Variants in SPAG16 observed in about 807,000 individuals in gnomAD.
SPAG16 encodes sperm-associated antigen 16 protein.
A neutral mutation model predicts 80.4 loss-of-function variants in SPAG16; 86 were observed. The observed-to-expected ratio is 1.07, with a 90% CI of 0.90 to 1.28. The LOEUF (loss-of-function observed/expected upper bound fraction) is 1.28, where lower values mean the gene tolerates loss of function less well. Among genes scored for constraint, SPAG16 ranks in the 50% most tolerant of loss-of-function variants. The pLI is 0.00. For synonymous variants in SPAG16, 294 were observed against 265.9 expected, an observed-to-expected ratio of 1.11 and a Z score of -1.03; for missense variants, 870 against 765.3, an observed-to-expected ratio of 1.14 and a Z score of -1.61.
chr2:214,189,555 T>G (rs969004940), intron 15 of SPAG16, among the ~76,000 whole-genome samples: 16 of 152,088 alleles, frequency 1.1e-4, no homozygotes, highest in African/African-American at 3.9e-4. Flanking sequence ...AATAAGGGCT[T>G]GAATTGGGAG....
chr2:214,052,627 TATA>T (rs2049712096), intron 13 of SPAG16, among the ~76,000 whole-genome samples: 2 of 152,158 alleles, frequency 1.3e-5, no homozygotes, highest in Admixed American at 1.3e-4. Context: ...AGAATAATAA[TATA>T]AACTCAATCA....
chr2:213,975,425 C>T (rs2045316975), intron 12 of SPAG16, among the ~76,000 whole-genome samples: 1 of 151,506 alleles, frequency 6.6e-6, no homozygotes, highest in South Asian at 2.1e-4. Context: ...AATTTATTAA[C>T]ATGTTCCTAA....
At chr2:213,537,555 G>C (rs986950335) in intron 10 of SPAG16, among the ~76,000 whole-genome samples, 1 of 152,086 alleles carries the variant, frequency 6.6e-6, no homozygotes, top group African/African-American at 2.4e-5. Flanking sequence ...CACTTGGAGA[G>C]TAATAGGGAG....
At chr2:213,426,809 A>G (rs973536483) in intron 9 of SPAG16, among the ~76,000 whole-genome samples, 2 of 138,816 alleles carry the variant, frequency 1.4e-5, no homozygotes, top group Non-Finnish European at 3.1e-5. Context: ...AAAAGGATGA[A>G]CTTTTTCAAA....
chr2:214,374,264 G>T (rs1176939329), intron 15 of SPAG16, among the ~76,000 whole-genome samples: 1 of 152,180 alleles, frequency 6.6e-6, no homozygotes, highest in Non-Finnish European at 1.5e-5. Context: ...ATCTAGAAAT[G>T]ACTCTAAAAA....
At chr2:214,242,551 G>T (rs1250140016) in intron 15 of SPAG16, among the ~76,000 whole-genome samples, 2 of 151,898 alleles carry the variant, frequency 1.3e-5, no homozygotes, top group East Asian at 3.9e-4. Flanking sequence ...CTCAACTCTA[G>T]TCATTGAATC....
At position 213,982,610 on chromosome 2, in the gene SPAG16, G is replaced by GGTGTGTGTGTGTGTGT. The variant is rs57529616; in HGVS notation, c.1401-31317_1401-31302dup. On this transcript the variant is annotated intron_variant, in intron 12 of 15. Coordinates refer to ENST00000331683, the MANE Select transcript of SPAG16 (RefSeq NM_024532.5). ...AACTTGTTACCAAGGTATAGTTTCTGGTGTGTGTGTGTGTGTGTGTGTGTG... is the reference window on the plus strand; with the variant it reads ...AACTTGTTACCAAGGTATAGTTTCTGGTGTGTGTGTGTGTGTGTGTGTGTGTGTGTGTGTGTGTGTG... 3.8e-4 allele frequency among the ~76,000 whole-genome samples: 54 copies of GGTGTGTGTGTGTGTGT among 141,854 alleles called. 1 individual carries two copies. Among genetic ancestry groups the GGTGTGTGTGTGTGTGT allele is most frequent in the Non-Finnish European group, 6.1e-4 (40 of 65,090 alleles). 93.1% of individuals were successfully genotyped at this position (141,854 alleles called of 152,430 possible).
Position 213,889,702 on chromosome 2 carries a change from CAT to C in SPAG16, c.1214+27082_1214+27083del, listed in dbSNP as rs980332987. ...ATATATACATATACATATATATACA[CAT>C]ATATATACATATGCATATATATATA... On this transcript the variant is annotated intron_variant, in intron 11 of 15. Transcript: ENST00000331683. 2.8e-5 allele frequency among the ~76,000 whole-genome samples: 4 copies of C among 142,838 alleles called. No homozygotes were observed. The East Asian group carries it at 5.9e-4, about 21-fold the overall frequency. The allele number at this position is 142,838 out of a possible 152,430, so 93.7% of individuals were successfully genotyped here. A position where few individuals can be genotyped will look rare whatever the true frequency, so the allele number is the denominator to read the frequency against.
intron 10 of SPAG16, among the ~76,000 whole-genome samples, chr2:213,707,192 T>C (rs1008513915): frequency 2.6e-5 from 4 of 152,326 alleles, no homozygotes. Context: ...TCATTTACTT[T>C]GGGATAAAGT....
chr2:214,223,805 C>T (rs2058638566), intron 15 of SPAG16, among the ~76,000 whole-genome samples: 1 of 152,072 alleles, frequency 6.6e-6, no homozygotes, highest in African/African-American at 2.4e-5. Flanking sequence ...ATGACACAGA[C>T]ATATGCAGAA....
intron 12 of SPAG16, among the ~76,000 whole-genome samples, chr2:213,967,349 C>A (rs1247323002): frequency 2.0e-5 from 3 of 152,114 alleles, no homozygotes; most frequent in Non-Finnish European, 4.4e-5. Flanking sequence ...GGTTTTCTAT[C>A]ACTTTGAATT....
intron 10 of SPAG16, among the ~76,000 whole-genome samples, chr2:213,560,338 A>G (rs576369147): frequency 6.6e-6 from 1 of 152,256 alleles, no homozygotes; most frequent in Non-Finnish European, 1.5e-5. Context: ...GAACTAACAA[A>G]AGTCACAATG....
chr2:213,721,895 A>C (rs1002592655), intron 10 of SPAG16, among the ~76,000 whole-genome samples: 1 of 152,226 alleles, frequency 6.6e-6, no homozygotes, highest in Non-Finnish European at 1.5e-5. Context: ...CTTTTAATAA[A>C]AGTTTATGCA....
chr2:214,083,577 A>G (rs1223696142), intron 13 of SPAG16, among the ~76,000 whole-genome samples: 1 of 152,186 alleles, frequency 6.6e-6, no homozygotes, highest in Non-Finnish European at 1.5e-5. Context: ...TGAGAGGAAG[A>G]ACCTCAAGAA....
At chr2:213,466,026 G>A (rs2072672605) in intron 9 of SPAG16, among the ~76,000 whole-genome samples, 1 of 152,204 alleles carries the variant, frequency 6.6e-6, no homozygotes, top group African/African-American at 2.4e-5. Context: ...AATAAAAGCA[G>A]ACAGAAGAAT....
intron 15 of SPAG16, among the ~76,000 whole-genome samples, chr2:214,230,973 CA>C (rs2125800659): frequency 6.6e-6 from 1 of 152,074 alleles, no homozygotes; most frequent in Admixed American, 6.6e-5. Context: ...ATATCCATCC[CA>C]AAGATCTTAA....
intron 15 of SPAG16, among the ~76,000 whole-genome samples, chr2:214,178,497 CT>C (rs1472009133): frequency 6.6e-6 from 1 of 151,342 alleles, no homozygotes; most frequent in East Asian, 1.9e-4. Flanking sequence ...AAAGCTAGAA[CT>C]TGCTAACAAG....
intron 15 of SPAG16, among the ~76,000 whole-genome samples, chr2:214,358,094 G>A (rs1451699069): frequency 1.3e-5 from 2 of 151,760 alleles, no homozygotes; most frequent in African/African-American, 4.8e-5. Context: ...ACTCAATGTT[G>A]GCGTCTCCCA....
intron 8 of SPAG16, 33 bp from the exon 9 acceptor site, chr2:213,374,977 C>G: frequency 6.8e-7 from 1 of 1,467,098 alleles, no homozygotes. Context: ...ATAAACAGTG[C>G]AAATATTAAG....
Sources: allele counts gnomAD v4.1 joint callset (sites outside exome capture counted in the v4.1 genomes callset), GRCh38; gene constraint gnomAD v4.1.1; transcripts MANE v1.5; gene names NCBI Gene and HGNC (gene_info 2026-07-23, HGNC 2026-07-21).